ADGRL2: variants seen among roughly 807,000 people sequenced by gnomAD.
The protein encoded by ADGRL2 is adhesion G protein-coupled receptor L2.
ADGRL2 carries 44 observed loss-of-function variants against 157.4 expected under a neutral mutation model. The ratio of observed to expected loss-of-function variants is 0.28; its 90% CI spans 0.22 to 0.36. The LOEUF (loss-of-function observed/expected upper bound fraction) is 0.36. Among genes scored for constraint, ADGRL2 ranks in the 10% least tolerant of loss-of-function variants. The probability of loss-of-function intolerance (pLI) is 1.00; values close to 1 mark genes in which losing one functional copy is unlikely to be tolerated. For synonymous variants in ADGRL2, 585 were observed against 624.7 expected (o/e 0.94, Z 0.95); for missense variants, 1,510 against 1,768.9 (o/e 0.85, Z 2.63).
At chr1:81,777,816 C>A (rs2086647353) in intron 2 of ADGRL2, among the ~76,000 whole-genome samples, 1 of 152,154 alleles carries the variant, frequency 6.6e-6, no homozygotes, top group African/African-American at 2.4e-5. Context: ...AATGTATTTT[C>A]TCACCTTCCC....
At chr1:81,940,132 A>T (rs1199129118) in intron 4 of ADGRL2, among the ~76,000 whole-genome samples, 6 of 151,580 alleles carry the variant, frequency 4.0e-5, no homozygotes, top group African/African-American at 1.4e-4. Context: ...AAAGCAAAAT[A>T]CACTTTCTAC....
At chr1:81,758,578 G>T (rs780826025) in intron 1 of ADGRL2, among the ~76,000 whole-genome samples, 1 of 152,060 alleles carries the variant, frequency 6.6e-6, no homozygotes, top group African/African-American at 2.4e-5. Flanking sequence ...ATAAAGCATT[G>T]GTATTTGAAA....
intron 2 of ADGRL2, among the ~76,000 whole-genome samples, chr1:81,479,759 A>G (rs1193310910): frequency 6.6e-6 from 1 of 152,038 alleles, no homozygotes; most frequent in Non-Finnish European, 1.5e-5. Flanking sequence ...TTCCCATGTG[A>G]TTTTACATCT....
At chr1:81,451,378 A>T (rs577975658) in intron 2 of ADGRL2, among the ~76,000 whole-genome samples, 2 of 152,200 alleles carry the variant, frequency 1.3e-5, no homozygotes, top group African/African-American at 4.8e-5. Flanking sequence ...TTGTCTGGTT[A>T]TAGTAGAAAT....
At chr1:81,425,410 T>TAA (rs5775615) in intron 1 of ADGRL2, among the ~76,000 whole-genome samples, 48 of 150,944 alleles carry the variant, frequency 3.2e-4, no homozygotes, top group East Asian at 1.2e-3. Context: ...TAGAACCAAT[T>TAA]AAAAAAAAAA....
chr1:81,522,252 A>G (rs1268054010), intron 2 of ADGRL2, among the ~76,000 whole-genome samples: 1 of 152,196 alleles, frequency 6.6e-6, no homozygotes, highest in Non-Finnish European at 1.5e-5. Context: ...GGTGTGAGCC[A>G]CTGTGCCGGG....
intron 1 of ADGRL2, among the ~76,000 whole-genome samples, chr1:81,393,147 A>G (rs1181547134): frequency 6.6e-6 from 1 of 152,120 alleles, no homozygotes; most frequent in Admixed American, 6.5e-5. Flanking sequence ...AGAAAATATA[A>G]CTAGTTCCCT....
intron 3 of ADGRL2, among the ~76,000 whole-genome samples, chr1:81,932,118 G>A (rs975232343): frequency 2.6e-5 from 4 of 152,148 alleles, no homozygotes; most frequent in East Asian, 1.9e-4. Context: ...ATTACAATGG[G>A]TCATATTTTT....
At chr1:81,542,254 C>A (rs143289495) in intron 2 of ADGRL2, among the ~76,000 whole-genome samples, 1 of 152,096 alleles carries the variant, frequency 6.6e-6, no homozygotes. Context: ...CCAAGTCTGT[C>A]GAGAGCAGCA....
chr1:81,674,429 C>G (rs1394116356), intron 3 of ADGRL2, among the ~76,000 whole-genome samples: 1 of 152,194 alleles, frequency 6.6e-6, no homozygotes, highest in Non-Finnish European at 1.5e-5. Flanking sequence ...GGGAAGATCT[C>G]TTTCCTGACA....
At chr1:81,748,339 C>A (rs542654470) in intron 1 of ADGRL2, among the ~76,000 whole-genome samples, 1 of 151,312 alleles carries the variant, frequency 6.6e-6, no homozygotes, top group Admixed American at 6.6e-5. Flanking sequence ...TAGCTGGGCA[C>A]GCGCCTATAA....
intron 1 of ADGRL2, among the ~76,000 whole-genome samples, chr1:81,398,450 CT>C (rs1267925783): frequency 2.0e-5 from 3 of 152,112 alleles, no homozygotes; most frequent in South Asian, 2.1e-4. Flanking sequence ...ATTCTTTTCT[CT>C]TTTTTTCTCT....
Position 81,415,610 on chromosome 1 carries a change from T to C in ADGRL2, c.-301-29426T>C, listed in dbSNP as rs576894614. On this transcript the variant is annotated intron_variant, in intron 1 of 24. Transcript: ENST00000370721. ...CAGCTCGGTTCAACAAAGTAAGAAT[T>C]AGCTGTAAATGCTAATGTCTTTGGC... 3.9e-5 allele frequency among the ~76,000 whole-genome samples: 6 copies of C among 152,276 alleles called. No individual in the cohort carries two copies. In the South Asian group the frequency reaches 1.2e-3, roughly 32 times the overall value.
intron 1 of ADGRL2, among the ~76,000 whole-genome samples, chr1:81,802,440 G>T (rs182260656): frequency 3.9e-4 from 60 of 152,156 alleles, no homozygotes; most frequent in African/African-American, 1.4e-3. Context: ...AAATCGATCC[G>T]CAGAACTCTC....
chr1:81,446,799 T>C (rs1244367401), intron 2 of ADGRL2, among the ~76,000 whole-genome samples: 20 of 152,194 alleles, frequency 1.3e-4, no homozygotes, highest in Admixed American at 1.2e-3. Flanking sequence ...AAAGGTAATA[T>C]TAAAGATGAA....
intron 2 of ADGRL2, among the ~76,000 whole-genome samples, chr1:81,764,519 A>C (rs534213482): frequency 6.6e-6 from 1 of 152,230 alleles, no homozygotes; most frequent in South Asian, 2.1e-4. Context: ...TTTTCTTTCC[A>C]TCATATTAGT....
At chr1:81,756,171 C>T (rs1302785225) in intron 1 of ADGRL2, among the ~76,000 whole-genome samples, 2 of 152,126 alleles carry the variant, frequency 1.3e-5, no homozygotes, top group Non-Finnish European at 2.9e-5. Flanking sequence ...TTCTTATTTC[C>T]TTCACATCTA....
intron 2 of ADGRL2, among the ~76,000 whole-genome samples, chr1:81,886,285 C>T (rs1488630141): frequency 6.6e-6 from 1 of 152,152 alleles, no homozygotes; most frequent in Non-Finnish European, 1.5e-5. Context: ...GATTCCCCTG[C>T]CTCAGCCTCC....
intron 1 of ADGRL2, among the ~76,000 whole-genome samples, chr1:81,812,604 T>C (rs1212544666): frequency 6.6e-6 from 1 of 151,750 alleles, no homozygotes; most frequent in African/African-American, 2.4e-5. Flanking sequence ...TGCATAGTAG[T>C]TGTTACAAGA....
Sources: allele counts gnomAD v4.1 joint callset (sites outside exome capture counted in the v4.1 genomes callset), GRCh38; gene constraint gnomAD v4.1.1; transcripts MANE v1.5; gene names NCBI Gene and HGNC (gene_info 2026-07-23, HGNC 2026-07-21).